MYBPC1: variants seen among roughly 807,000 people sequenced by gnomAD.
MYBPC1 encodes the protein myosin-binding protein C, slow-type.
In MYBPC1, 52 loss-of-function variants were observed where a neutral mutation model predicts 147.1. That is an observed-to-expected ratio of 0.35 (90% CI 0.28 to 0.45). MYBPC1 has a LOEUF of 0.45. Ranked by LOEUF, MYBPC1 falls within the 20% of genes least tolerant of loss-of-function variation. The pLI is 1.00. For synonymous variants in MYBPC1, 477 were observed against 475.9 expected, an observed-to-expected ratio of 1.00 and a Z score of -0.03; for missense variants, 1,228 against 1,440.3, an observed-to-expected ratio of 0.85 and a Z score of 2.39.
chr12:101,658,600 T>G (rs1343689372), intron 18 of MYBPC1, among the ~76,000 whole-genome samples: 1 of 152,186 alleles, frequency 6.6e-6, no homozygotes, highest in African/African-American at 2.4e-5. Context: ...AAAATGGTCT[T>G]TGTTCACAGA....
Position 101,653,217 on chromosome 12 carries a change from C to G in MYBPC1, c.1736C>G (p.Pro579Arg). 3 of 1,614,122 alleles carry G rather than the reference C, an allele frequency of 1.9e-6. No individual in the cohort carries two copies. The highest frequency in any genetic ancestry group is 2.5e-6 in the Non-Finnish European group (3 of 1,180,036). Residue 579 changes from proline (P) to arginine (R), a missense_variant, in exon 18 of 32, where the codon CCT (proline) becomes CGT (arginine). Pro to Arg is a moderately radical substitution (Grantham distance 103). Coordinates refer to ENST00000361466, the MANE Select transcript of MYBPC1 (RefSeq NM_002465.4). ...GAGATCCCCATCAGCGGAGAACCAC[C>G]TCCTAAAGCCATGTGGAGCCGGGGA... is the stretch of plus-strand genomic sequence containing the variant. ...RLEIPISGEP[P>R]PKAMWSRGDK...
intron 13 of MYBPC1, 136 bp from the exon 14 acceptor site, chr12:101,647,909 C>T (rs755856630): frequency 1.0e-5 from 7 of 697,334 alleles, no homozygotes; most frequent in Non-Finnish European, 1.8e-5. Context: ...AAAACAAAAA[C>T]CTCACTTACT....
chr12:101,644,931 T>G, intron 12 of MYBPC1, 135 bp downstream of exon 12: 1 of 892,900 alleles, frequency 1.1e-6, no homozygotes, highest in Non-Finnish European at 1.8e-6. Context: ...AGTAAACATT[T>G]AAGTCACATT....
intron 3 of MYBPC1, among the ~76,000 whole-genome samples, chr12:101,618,798 A>G (rs938858965): frequency 1.6e-4 from 24 of 151,992 alleles, no homozygotes; most frequent in Non-Finnish European, 3.4e-4. Flanking sequence ...TGACGTTTGC[A>G]GAAGATAAGC....
intron 22 of MYBPC1, chr12:101,666,831 A>G: frequency 4.4e-6 from 7 of 1,577,436 alleles, no homozygotes; most frequent in Non-Finnish European, 6.1e-6. Context: ...AAATTTTCTT[A>G]CTATATTATA....
At chr12:101,635,794 T>C (rs1890865276) in intron 9 of MYBPC1, among the ~76,000 whole-genome samples, 1 of 152,218 alleles carries the variant, frequency 6.6e-6, no homozygotes, top group Non-Finnish European at 1.5e-5. Flanking sequence ...CCACAGACTC[T>C]TTTCTTAGAA....
At chr12:101,676,708 A>C (rs1385944133) in intron 26 of MYBPC1, among the ~76,000 whole-genome samples, 1 of 152,160 alleles carries the variant, frequency 6.6e-6, no homozygotes, top group Non-Finnish European at 1.5e-5. Context: ...CCAAGATTGC[A>C]TCACTGCACT....
intron 20 of MYBPC1, among the ~76,000 whole-genome samples, chr12:101,661,561 A>G (rs1896553068): frequency 6.6e-6 from 1 of 152,162 alleles, no homozygotes; most frequent in African/African-American, 2.4e-5. Context: ...GTCTGATTCT[A>G]CATGATTTTG....
chr12:101,633,900 T>C (rs1013099747), intron 8 of MYBPC1, among the ~76,000 whole-genome samples: 8 of 151,360 alleles, frequency 5.3e-5, no homozygotes, highest in Admixed American at 1.3e-4. Context: ...GAGGGCTTTT[T>C]TTTTTTTTTT....
rs181527244 is a variant in MYBPC1, at chr12:101,679,183, G to A, written c.3246+945G>A. On this transcript the variant is annotated intron_variant, in intron 28 of 31. Transcript: ENST00000361466. ...AAAAAAAGGAAAATCAAAGGAAGAAGTCAGACTAAGGATGAGAGAAAGGTG... is the reference window on the plus strand; with the variant it reads ...AAAAAAAGGAAAATCAAAGGAAGAAATCAGACTAAGGATGAGAGAAAGGTG... 1.4e-4 allele frequency among the ~76,000 whole-genome samples: 21 copies of A among 151,592 alleles called. No individual in the cohort carries two copies. The East Asian group carries it at 3.9e-3, about 28-fold the overall frequency.
intron 10 of MYBPC1, among the ~76,000 whole-genome samples, chr12:101,638,281 G>A (rs1891382811): frequency 6.6e-6 from 1 of 152,176 alleles, no homozygotes; most frequent in Non-Finnish European, 1.5e-5. Context: ...TGCTACTGAT[G>A]TGAGGAAAAG....
intron 3 of MYBPC1, among the ~76,000 whole-genome samples, chr12:101,622,236 A>G (rs1157265417): frequency 6.6e-6 from 1 of 152,230 alleles, no homozygotes; most frequent in East Asian, 1.9e-4. Context: ...AACTGGACAC[A>G]ACCAGAAAGA....
At chr12:101,618,628 A>T (rs1198294810) in intron 3 of MYBPC1, among the ~76,000 whole-genome samples, 1 of 152,188 alleles carries the variant, frequency 6.6e-6, no homozygotes, top group Non-Finnish European at 1.5e-5. Context: ...CCTGACCCTT[A>T]ATTTGAAAAG....
At chr12:101,616,057 C>A (rs764414140) in intron 2 of MYBPC1, among the ~76,000 whole-genome samples, 6 of 151,976 alleles carry the variant, frequency 3.9e-5, no homozygotes, top group African/African-American at 1.5e-4. Flanking sequence ...CACAAGAGGC[C>A]CTTTGTCCAG....
rs1043057236 is a variant in MYBPC1, at chr12:101,629,507, G to T, written c.252G>T (p.Leu84Phe). The T allele has an allele frequency of 1.9e-6, 3 of 1,613,806 alleles. No individual in the cohort carries two copies. The highest frequency in any genetic ancestry group is 1.7e-5 in the Admixed American group (1 of 59,976). Reference sequence around the variant, plus strand: ...ATGCCAACTCCCAGCTGTCCATCTTGTTCATTGAAAAACCTCAAGGAGGAA... The same window carrying T: ...ATGCCAACTCCCAGCTGTCCATCTTTTTCATTGAAAAACCTCAAGGAGGAA... ...KQNANSQLSI[L>F]FIEKPQGGTV... The change falls in exon 6 of 32, where the codon TTG becomes TTT. Residue 84 changes from leucine to phenylalanine, a missense_variant. Physicochemically the swap from Leu to Phe is conservative, Grantham distance 22. Transcript: ENST00000361466.
Position 101,623,375 on chromosome 12 carries a change from C to G in MYBPC1, c.104-3497C>G, listed in dbSNP as rs140352951. ...AAAAAAACCCAGACTGCCATCATTA[C>G]ATATTCTATGCATGTAACAAACCAT... On this transcript the variant is annotated intron_variant, in intron 3 of 31. Transcript: ENST00000361466. Among the ~76,000 whole-genome samples, 10 of 152,276 alleles carry G rather than the reference C, an allele frequency of 6.6e-5. No individual in the cohort carries two copies. In the East Asian group the frequency reaches 1.7e-3, roughly 26 times the overall value.
Position 101,644,764 on chromosome 12 carries a change from T to C in MYBPC1, c.933T>C (p.Tyr311=), listed in dbSNP as rs750485626. The C allele has an allele frequency of 6.2e-7, 1 of 1,614,060 alleles. No homozygotes were observed. Among genetic ancestry groups the C allele is most frequent in the Non-Finnish European group, 8.5e-7 (1 of 1,179,962 alleles). Residue 311 remains tyrosine, a synonymous_variant, in exon 12 of 32, where the codon TAT becomes TAC. Transcript: ENST00000361466. ...LADPKLEVKW[Y]KNGQEIRPST... Reference sequence around the variant, plus strand: ...ATCCAAAGTTGGAGGTGAAATGGTATAAAAATGGTCAAGAAATTCGACCCA... The same window carrying C: ...ATCCAAAGTTGGAGGTGAAATGGTACAAAAATGGTCAAGAAATTCGACCCA...
chr12:101,690,371 C>G (rs1951396450), downstream of MYBPC1, among the ~76,000 whole-genome samples: 1 of 152,128 alleles, frequency 6.6e-6, no homozygotes, highest in Non-Finnish European at 1.5e-5. Context: ...GAAAAACATC[C>G]TGATAAATGT....
intron 3 of MYBPC1, among the ~76,000 whole-genome samples, chr12:101,621,882 A>G (rs1338104486): frequency 6.6e-6 from 1 of 152,190 alleles, no homozygotes; most frequent in Non-Finnish European, 1.5e-5. Context: ...GGCTTGTAAT[A>G]TAAGACTGGG....
Sources: allele counts gnomAD v4.1 joint callset (sites outside exome capture counted in the v4.1 genomes callset), GRCh38; gene constraint gnomAD v4.1.1; transcripts MANE v1.5; gene names NCBI Gene and HGNC (gene_info 2026-07-23, HGNC 2026-07-21).